Variants in TANC1 observed in about 807,000 individuals in gnomAD.
TANC1 encodes protein TANC1.
Under a neutral mutation model 149.7 loss-of-function variants are expected in TANC1, and 77 were observed. The observed-to-expected ratio is 0.51, with a 90% confidence interval of 0.43 to 0.62. The LOEUF (loss-of-function observed/expected upper bound fraction) is 0.62, where lower values mean the gene tolerates loss of function less well. Among genes scored for constraint, TANC1 ranks in the 20% least tolerant of loss-of-function variants. The pLI, the probability that TANC1 is intolerant of heterozygous loss-of-function variation, is 0.00. For missense variants in TANC1, 1,985 were observed against 2,321.8 expected (o/e 0.85, Z 2.98); for synonymous variants, 854 against 925.0 (o/e 0.92, Z 1.39).
rs1031574274 is a variant in TANC1, at chr2:159,150,463, A to C, written c.589A>C (p.Ser197Arg). The change falls in exon 7 of 27, where the codon AGC becomes CGC. Residue 197 changes from serine (S) to arginine (R), a missense_variant. Transcript: ENST00000263635. ...CGATAGCCCCTGCTCAACCTTGAAT[A>C]GCTGTGTCAGCAAGACGGCAGCCAA... ...STDSPCSTLN[S>R]CVSKTAANKS... 5.0e-5 allele frequency: 80 copies of C among 1,614,058 alleles called. No individual in the cohort carries two copies. The highest frequency in any genetic ancestry group is 6.6e-5 in the Non-Finnish European group (78 of 1,180,020).
chr2:159,213,359 C>A (rs2059128238), intron 19 of TANC1, among the ~76,000 whole-genome samples: 1 of 149,550 alleles, frequency 6.7e-6, no homozygotes. Context: ...TGTGTAGATT[C>A]TCAGAGTATA....
chr2:159,188,298 C>T (rs1304895610), intron 16 of TANC1, among the ~76,000 whole-genome samples: 2 of 152,194 alleles, frequency 1.3e-5, no homozygotes, highest in African/African-American at 4.8e-5. Context: ...TCATTTTGAA[C>T]AATAATTGCA....
In TANC1 at chr2:159,172,202, C is replaced by T. The variant is rs781206412; in HGVS notation, c.1433C>T (p.Thr478Ile). The T allele has an allele frequency of 1.2e-6, 2 of 1,614,214 alleles. No individual in the cohort carries two copies. Among genetic ancestry groups the T allele is most frequent in the Non-Finnish European group, 1.7e-6 (2 of 1,180,028 alleles). ...ACAAGTGCTTCCAGCACAGCTAAAA[C>T]ACCTCTTGGGTCTATCAGTGCTGAA... ...SSTSASSTAK[T>I]PLGSISAENQ... Residue 478 changes from threonine (T) to isoleucine (I), a missense_variant, in exon 11 of 27, where the codon ACA (threonine) becomes ATA (isoleucine). Thr to Ile is a moderately conservative substitution (Grantham distance 89). This residue lies in a region of TANC1 where 557 missense variants were observed against 612.9 expected (regional missense o/e 0.91). Transcript: ENST00000263635.
intron 1 of TANC1, among the ~76,000 whole-genome samples, chr2:158,981,874 T>C (rs2034429083): frequency 6.6e-6 from 1 of 152,008 alleles, no homozygotes; most frequent in Non-Finnish European, 1.5e-5. Flanking sequence ...AACAGAATAT[T>C]TTCATGATAA....
chr2:159,219,226 T>G lies in TANC1; in HGVS notation c.3379-12T>G. On this transcript the variant is annotated splice_polypyrimidine_tract_variant and intron_variant, in intron 20 of 26. Coordinates refer to ENST00000263635, the MANE Select transcript of TANC1 (RefSeq NM_033394.3). ...GCAGCAGGAGGATGGTAATTCCAAA[T>G]GTCTCTTCCAGATTGTTAGACTGCT... 1.2e-6 allele frequency: 2 copies of G among 1,614,072 alleles called. No homozygotes were observed. Among genetic ancestry groups the G allele is most frequent in the Non-Finnish European group, 8.5e-7 (1 of 1,179,938 alleles).
chr2:159,219,684 C>G lies in TANC1; in HGVS notation c.3503-8C>G. 1 of 1,614,096 alleles carries G rather than the reference C, an allele frequency of 6.2e-7. No homozygotes were observed. The highest frequency in any genetic ancestry group is 8.5e-7 in the Non-Finnish European group (1 of 1,179,970). On this transcript the variant is annotated splice_polypyrimidine_tract_variant and splice_region_variant and intron_variant, in intron 21 of 26. Coordinates refer to ENST00000263635, the MANE Select transcript of TANC1 (RefSeq NM_033394.3). ...TGTTCATGTTCTGTGAATGGGCTTTCCTTTCAGGTGCAGCCCTTTCTTCTC... is the reference window on the plus strand; with the variant it reads ...TGTTCATGTTCTGTGAATGGGCTTTGCTTTCAGGTGCAGCCCTTTCTTCTC...
At chr2:159,177,604 G>A (rs181782794) in intron 13 of TANC1, among the ~76,000 whole-genome samples, 20 of 152,222 alleles carry the variant, frequency 1.3e-4, no homozygotes, top group African/African-American at 4.1e-4. Context: ...GGAATCTTAC[G>A]TTCTTCTTCC....
At chr2:159,091,198 G>A (rs2045500342) in intron 3 of TANC1, among the ~76,000 whole-genome samples, 3 of 152,104 alleles carry the variant, frequency 2.0e-5, no homozygotes, top group South Asian at 4.1e-4. Flanking sequence ...TCTGGATCCC[G>A]CTGCCTGGGT....
chr2:159,070,657 T>C (rs2043075365), intron 3 of TANC1, among the ~76,000 whole-genome samples: 1 of 152,328 alleles, frequency 6.6e-6, no homozygotes, highest in South Asian at 2.1e-4. Context: ...TGCATATAAA[T>C]GGCCGAACCT....
At chr2:159,123,334 T>G (rs1183494231) in intron 4 of TANC1, among the ~76,000 whole-genome samples, 1 of 152,158 alleles carries the variant, frequency 6.6e-6, no homozygotes, top group Non-Finnish European at 1.5e-5. Context: ...CTTGACCTGG[T>G]CACTGTGGAG....
intron 4 of TANC1, among the ~76,000 whole-genome samples, chr2:159,111,059 C>G (rs1033680418): frequency 7.9e-5 from 12 of 152,066 alleles, no homozygotes; most frequent in African/African-American, 2.9e-4. Flanking sequence ...GTAGAATTAC[C>G]CTATACAGGA....
intron 2 of TANC1, among the ~76,000 whole-genome samples, chr2:159,059,505 A>T (rs1472071757): frequency 3.6e-5 from 5 of 137,284 alleles, no homozygotes; most frequent in Admixed American, 2.3e-4. Context: ...AGACTCTCTT[A>T]AAAAAAACCA....
Position 159,213,200 on chromosome 2 carries a change from G to A in TANC1, c.3245-4297G>A, listed in dbSNP as rs144197233. ...AATAATCAACTCAAAATCTTTATGC[G>A]AAAAGGCATATTTTGGGGTGGCATA... is the stretch of plus-strand genomic sequence containing the variant. On this transcript the variant is annotated intron_variant, in intron 19 of 26. Transcript: ENST00000263635. 3.9e-3 allele frequency among the ~76,000 whole-genome samples: 598 copies of A among 152,202 alleles called. 1 individual carries two copies. The highest frequency in any genetic ancestry group is 0.013 in the African/African-American group (550 of 41,530).
chr2:159,007,138 G>GTT (rs70994252), intron 2 of TANC1, among the ~76,000 whole-genome samples: 2,547 of 69,392 alleles, frequency 0.037, 21 homozygotes, highest in East Asian at 0.044. Flanking sequence ...CTTTAATACT[G>GTT]TTTTTTTTTT....
intron 1 of TANC1, among the ~76,000 whole-genome samples, chr2:158,991,520 G>A (rs771889891): frequency 2.6e-5 from 4 of 152,054 alleles, no homozygotes; most frequent in East Asian, 1.9e-4. Context: ...TTGGGAGGCC[G>A]AGGTGGGTGG....
chr2:159,091,982 A>G (rs264629), intron 3 of TANC1, among the ~76,000 whole-genome samples: 67,336 of 144,500 alleles, frequency 0.47, 16,044 homozygotes, highest in Middle Eastern at 0.5. Flanking sequence ...GTGTGTGTGT[A>G]TGTATGTAGA....
At chr2:159,227,561 T>G in intron 24 of TANC1, 1 of 479,188 alleles carries the variant, frequency 2.1e-6, no homozygotes, top group Non-Finnish European at 3.7e-6. Context: ...ATCTAGCAGT[T>G]TACAGACACC....
At chr2:159,171,870 A>AG (rs1440643052) in intron 10 of TANC1, among the ~76,000 whole-genome samples, 4,465 of 106,012 alleles carry the variant, frequency 0.042, 164 homozygotes, top group African/African-American at 0.061. Flanking sequence ...AAAAAAAAAA[A>AG]AAAAAGAAAA....
chr2:159,081,247 A>C (rs1458949132), intron 3 of TANC1, among the ~76,000 whole-genome samples: 1 of 152,214 alleles, frequency 6.6e-6, no homozygotes, highest in East Asian at 1.9e-4. Flanking sequence ...GTCCACATTC[A>C]AAATGTATAG....
Sources: allele counts gnomAD v4.1 joint callset (sites outside exome capture counted in the v4.1 genomes callset), GRCh38; gene constraint gnomAD v4.1.1; regional missense constraint gnomAD v4.1.1; transcripts MANE v1.5; gene names NCBI Gene and HGNC (gene_info 2026-07-23, HGNC 2026-07-21).